The following KCTD9 variants were observed in gnomAD, a reference collection of about 807,000 sequenced individuals.
KCTD9 encodes potassium channel tetramerization domain containing 9.
Under a neutral mutation model 53.3 loss-of-function variants are expected in KCTD9, and 17 were observed. That is an observed-to-expected ratio of 0.32 (90% CI 0.22 to 0.48). The LOEUF (loss-of-function observed/expected upper bound fraction) is 0.48, where lower values mean the gene tolerates loss of function less well. KCTD9 is among the 20% of genes least tolerant of loss of function. The pLI is 0.99. For synonymous variants in KCTD9, 128 were observed against 162.7 expected (o/e 0.79, Z 1.62); for missense variants, 179 against 465.5 (o/e 0.38, Z 5.66).
At chr8:25,434,568 G>A (rs1801985882) in intron 9 of KCTD9, among the ~76,000 whole-genome samples, 1 of 151,964 alleles carries the variant, frequency 6.6e-6, no homozygotes, top group African/African-American at 2.4e-5. Context: ...GACCCTTCAT[G>A]ATAAGACAGA....
At chr8:25,433,236 T>C (rs1801960932) in intron 10 of KCTD9, 94 bp downstream of exon 10, 1 of 629,162 alleles carries the variant, frequency 1.6e-6, no homozygotes, top group African/African-American at 1.9e-5. Flanking sequence ...CCCCTACAGC[T>C]ATCCTGTTTC....
intron 3 of KCTD9, among the ~76,000 whole-genome samples, chr8:25,443,555 G>A (rs902906490): frequency 2.6e-5 from 4 of 152,124 alleles, no homozygotes; most frequent in African/African-American, 9.7e-5. Context: ...TCACTGTTAG[G>A]CCAATGGATA....
At position 25,429,507 on chromosome 8, in the gene KCTD9, G is replaced by A. The variant is rs1801890508; in HGVS notation, c.*350C>T. ...TTTCCATAAATTAAAATCCTCAAATGCATCTCAAACCAAGATGGTATTTCC... is the reference window on the plus strand; with the variant it reads ...TTTCCATAAATTAAAATCCTCAAATACATCTCAAACCAAGATGGTATTTCC... On this transcript the variant is annotated 3_prime_UTR_variant, in exon 12 of 12. Coordinates refer to ENST00000221200, the MANE Select transcript of KCTD9 (RefSeq NM_017634.4). 6.2e-6 allele frequency: 1 copy of A among 162,562 alleles called. No individual in the cohort carries two copies. The highest frequency in any genetic ancestry group is 6.2e-5 in the Admixed American group (1 of 16,098). 10.1% of individuals were successfully genotyped at this position (162,562 alleles called of 1,614,324 possible). A position where few individuals can be genotyped will look rare whatever the true frequency, so the allele number is the denominator to read the frequency against.
chr8:25,458,176 G>A, intron 1 of KCTD9, 23 bp downstream of exon 1: 1 of 570,788 alleles, frequency 1.8e-6, no homozygotes. Flanking sequence ...CCGGCCCGCC[G>A]CGCCCCCTCA....
At chr8:25,445,897 T>C (rs2063069) in intron 2 of KCTD9, among the ~76,000 whole-genome samples, 61,392 of 151,122 alleles carry the variant, frequency 0.41, 12,912 homozygotes, top group African/African-American at 0.52. Flanking sequence ...TCCTCATAGC[T>C]ATATATGAAC....
At position 25,456,260 on chromosome 8, in the gene KCTD9, G is replaced by A. The variant is rs985401330; in HGVS notation, c.48+1939C>T. On this transcript the variant is annotated intron_variant, in intron 1 of 11. Coordinates refer to ENST00000221200, the MANE Select transcript of KCTD9 (RefSeq NM_017634.4). ...TAAGGGAGATAAAGTAAGTGGTACA[G>A]ATATTCCAACTGGTGGATGGGAAAT... 3.3e-5 allele frequency among the ~76,000 whole-genome samples: 5 copies of A among 152,202 alleles called. No individual in the cohort carries two copies. In the East Asian group the frequency reaches 5.8e-4, roughly 18 times the overall value.
At chr8:25,447,797 A>T (rs1802242734) in intron 1 of KCTD9, among the ~76,000 whole-genome samples, 1 of 152,190 alleles carries the variant, frequency 6.6e-6, no homozygotes, top group African/African-American at 2.4e-5. Context: ...TAAATAAAAT[A>T]TGGTATATAT....
intron 11 of KCTD9, among the ~76,000 whole-genome samples, chr8:25,432,265 T>C (rs1801945167): frequency 6.6e-6 from 1 of 152,250 alleles, no homozygotes; most frequent in South Asian, 2.1e-4. Flanking sequence ...CATTTAATTC[T>C]ATTCGGAATT....
At chr8:25,452,886 G>T (rs1802354264) in intron 1 of KCTD9, among the ~76,000 whole-genome samples, 1 of 152,180 alleles carries the variant, frequency 6.6e-6, no homozygotes, top group South Asian at 2.1e-4. Context: ...GCAAGGACTG[G>T]CCTGGCATGA....
chr8:25,441,477 A>G (rs140752715), intron 3 of KCTD9, among the ~76,000 whole-genome samples: 31 of 152,336 alleles, frequency 2.0e-4, no homozygotes, highest in African/African-American at 7.2e-4. Context: ...TCAAAATTAT[A>G]ATCTAATATT....
chr8:25,430,009 G>T, intron 11 of KCTD9, 36 bp from the exon 12 acceptor site: 1 of 1,098,858 alleles, frequency 9.1e-7, no homozygotes, highest in Non-Finnish European at 1.4e-6. Context: ...TAATTCATGT[G>T]GAAATTTCAG....
intron 3 of KCTD9, among the ~76,000 whole-genome samples, chr8:25,442,790 A>C (rs954147369): frequency 6.6e-6 from 1 of 152,226 alleles, no homozygotes; most frequent in East Asian, 1.9e-4. Flanking sequence ...GATTTAGCAT[A>C]TGAAAAACAT....
intron 2 of KCTD9, among the ~76,000 whole-genome samples, chr8:25,445,863 T>C (rs1217661698): frequency 6.6e-6 from 1 of 151,678 alleles, no homozygotes; most frequent in African/African-American, 2.4e-5. Context: ...ACTAGATCCT[T>C]CTCTAGTACC....
chr8:25,445,248 A>T (rs1802194878), intron 2 of KCTD9, among the ~76,000 whole-genome samples: 2 of 152,184 alleles, frequency 1.3e-5, no homozygotes, highest in Admixed American at 6.5e-5. Flanking sequence ...TCATTAACAA[A>T]ACCCAACTAG....
In KCTD9 at chr8:25,446,259, A is replaced by G. The variant is rs1478061341; in HGVS notation, c.49-9T>C. 3.1e-6 allele frequency: 5 copies of G among 1,613,056 alleles called. No individual in the cohort carries two copies. The highest frequency in any genetic ancestry group is 4.2e-6 in the Non-Finnish European group (5 of 1,179,420). On this transcript the variant is annotated splice_polypyrimidine_tract_variant and intron_variant, in intron 1 of 11. Transcript: ENST00000221200. The stretch of plus-strand genomic sequence containing the variant: ...CCATATACAGCAACCACCTGTAAAC[A>G]CACCAGAATAATATGAACAATTTCT...
At position 25,458,248 on chromosome 8, in the gene KCTD9, G is replaced by A. The variant is rs145610219; in HGVS notation, c.-2C>T. 92 of 1,602,882 alleles carry A rather than the reference G, an allele frequency of 5.7e-5. 1 individual carries two copies. In the African/African-American group the frequency reaches 1.2e-3, roughly 21 times the overall value. On this transcript the variant is annotated 5_prime_UTR_variant, in exon 1 of 12. Transcript: ENST00000221200. The stretch of plus-strand genomic sequence containing the variant: ...CAGGAACAGGGTCACCCGCCTCATC[G>A]CGCTGCCCCCGCTGGGTCCTGAGTG...
intron 1 of KCTD9, among the ~76,000 whole-genome samples, chr8:25,451,810 TTC>T (rs1802325084): frequency 1.3e-5 from 2 of 152,306 alleles, no homozygotes; most frequent in African/African-American, 4.8e-5. Flanking sequence ...AAATATTTTT[TTC>T]TTTTATACCC....
Position 25,428,238 on chromosome 8 carries a change from AT to A in KCTD9, c.*1618del, listed in dbSNP as rs1218845913. 1 of 152,624 alleles carries A rather than the reference AT, an allele frequency of 6.6e-6. No homozygotes were observed. The highest frequency in any genetic ancestry group is 1.5e-5 in the Non-Finnish European group (1 of 68,040). The allele number at this position is 152,624 out of a possible 1,614,324, so 9.5% of individuals were successfully genotyped here. On this transcript the variant is annotated 3_prime_UTR_variant, in exon 12 of 12. Transcript: ENST00000221200. ...TTAAATATAATTTAGGCACATATTG[AT>A]TATGAAAATAGATTATCTCTCAATA...
chr8:25,439,434 TC>T, intron 5 of KCTD9, 27 bp from the exon 6 acceptor site: 3 of 1,582,488 alleles, frequency 1.9e-6, no homozygotes, highest in Non-Finnish European at 1.7e-6. Flanking sequence ...ATAAAGAAAG[TC>T]CCCCATAAAC....
Sources: gnomAD v4.1 joint callset for allele counts (sites outside exome capture counted in the v4.1 genomes callset) on GRCh38, gnomAD v4.1.1 for gene constraint, MANE v1.5 for transcripts, NCBI Gene and HGNC (gene_info 2026-07-23, HGNC 2026-07-21) for gene names.